Variants in SAXO1 observed in about 807,000 individuals in gnomAD.
SAXO1 encodes the protein 4930500O09Rik.
In SAXO1, 21 loss-of-function variants were observed where a neutral mutation model predicts 17.5. The observed-to-expected ratio is 1.20, with a 90% CI of 0.85 to 1.72. The LOEUF (loss-of-function observed/expected upper bound fraction) is 1.72. Among genes scored for constraint, SAXO1 ranks in the 40% most tolerant of loss-of-function variants. SAXO1 has a pLI of 0.00. For synonymous variants in SAXO1, 274 were observed against 216.5 expected, an observed-to-expected ratio of 1.27 and a Z score of -2.33; for missense variants, 843 against 596.0, an observed-to-expected ratio of 1.41 and a Z score of -4.32.
At chr9:19,027,535 C>A (rs994425189) in intron 1 of SAXO1, 40 of 1,043,812 alleles carry the variant, frequency 3.8e-5, no homozygotes, top group Non-Finnish European at 6.1e-5. Flanking sequence ...CGGAGAAGAC[C>A]CTCCTGGCCT....
intron 1 of SAXO1, among the ~76,000 whole-genome samples, chr9:19,038,453 T>C (rs1835997256): frequency 6.6e-6 from 1 of 151,830 alleles, no homozygotes. Context: ...TCATGTCCTT[T>C]GTAGGGACAT....
At position 18,981,251 on chromosome 9, in the gene SAXO1, AC is replaced by A. The variant is rs377638772; in HGVS notation, c.39-30315del. 1.4e-4 allele frequency among the ~76,000 whole-genome samples: 22 copies of A among 152,132 alleles called. 2 individuals are homozygous for A. In the East Asian group the frequency reaches 3.7e-3, roughly 25 times the overall value. On this transcript the variant is annotated intron_variant, in intron 1 of 3. Coordinates refer to ENST00000380534, the MANE Select transcript of SAXO1 (RefSeq NM_153707.4). ...AGAAAGGAAGAGAAAGCCCCTACCCACCCCCACTCTTAGTTATAAAATACTT... is the reference window on the plus strand; with the variant it reads ...AGAAAGGAAGAGAAAGCCCCTACCCACCCCACTCTTAGTTATAAAATACTT...
intron 1 of SAXO1, among the ~76,000 whole-genome samples, chr9:18,998,347 G>A (rs1229257581): frequency 6.6e-6 from 1 of 151,960 alleles, no homozygotes; most frequent in African/African-American, 2.4e-5. Context: ...ATTTGATCAA[G>A]CAGAAGAAAG....
chr9:19,040,020 T>C (rs4977488), intron 1 of SAXO1, among the ~76,000 whole-genome samples: 128,957 of 152,234 alleles, frequency 0.85, 54,948 homozygotes, highest in African/African-American at 0.94. Context: ...TGAGCCACTG[T>C]ACATGGCCTG....
At chr9:19,028,253 G>C (rs772852205) in intron 1 of SAXO1, 1 of 715,248 alleles carries the variant, frequency 1.4e-6, no homozygotes. Context: ...GCGGGCGCCT[G>C]TAATCCCAGC....
intron 3 of SAXO1, among the ~76,000 whole-genome samples, chr9:18,937,215 C>G (rs1039898480): frequency 1.3e-5 from 2 of 152,194 alleles, no homozygotes; most frequent in African/African-American, 4.8e-5. Context: ...AAGGACTGAC[C>G]CAACCAAATG....
In SAXO1 at chr9:19,020,912, G is replaced by C. The variant is rs917441413; in HGVS notation, c.38+11959C>G. Among the ~76,000 whole-genome samples the C allele has an allele frequency of 3.3e-5, 5 of 152,186 alleles. No individual in the cohort carries two copies. In the East Asian group the frequency reaches 9.6e-4, roughly 29 times the overall value. ...AACTCTTCTGGCCTGCTTGTTCAAT[G>C]ACCTGGGAATCCACCTAACCTAATA... is the stretch of plus-strand genomic sequence containing the variant. On this transcript the variant is annotated intron_variant, in intron 1 of 3. Transcript: ENST00000380534.
At chr9:18,966,820 G>T (rs1832737252) in intron 1 of SAXO1, among the ~76,000 whole-genome samples, 2 of 152,142 alleles carry the variant, frequency 1.3e-5, no homozygotes, top group South Asian at 4.1e-4. Context: ...GGGAGAAGAG[G>T]CATTCTGGTT....
intron 1 of SAXO1, among the ~76,000 whole-genome samples, chr9:18,951,546 G>A (rs1832040052): frequency 6.6e-6 from 1 of 152,126 alleles, no homozygotes; most frequent in Non-Finnish European, 1.5e-5. Context: ...TCTCACCTCA[G>A]TTATTACAGC....
chr9:18,994,978 A>G (rs1833946559), intron 1 of SAXO1, among the ~76,000 whole-genome samples: 1 of 152,216 alleles, frequency 6.6e-6, no homozygotes, highest in Admixed American at 6.5e-5. Context: ...ACTTTATTAA[A>G]TATGTCAAGG....
chr9:18,951,240 C>T (rs1234645648), intron 1 of SAXO1, among the ~76,000 whole-genome samples: 1 of 152,118 alleles, frequency 6.6e-6, no homozygotes, highest in African/African-American at 2.4e-5. Context: ...AGAGAAATGG[C>T]TGTGTCCCCA....
chr9:19,006,718 T>C (rs1834495972), intron 1 of SAXO1, among the ~76,000 whole-genome samples: 1 of 152,214 alleles, frequency 6.6e-6, no homozygotes, highest in African/African-American at 2.4e-5. Flanking sequence ...ACATTGTCAA[T>C]GTTTTGATAT....
At chr9:19,043,044 C>T (rs1836114972) in intron 1 of SAXO1, among the ~76,000 whole-genome samples, 1 of 151,914 alleles carries the variant, frequency 6.6e-6, no homozygotes, top group African/African-American at 2.4e-5. Context: ...TGGTGGTACA[C>T]ACCTGTAGTC....
rs1231650089 is a variant in SAXO1 at position 18,941,851 on chromosome 9, C to A, written c.219-12G>T. The A allele has an allele frequency of 1.9e-6, 3 of 1,613,784 alleles. No individual in the cohort carries two copies. The Admixed American group carries it at 5.0e-5, about 27-fold the overall frequency. ...GCCCAAAATCTCTCCTGTAAGGAAGCAAGTGCATGCTGTTGGGGTCCTTGG... is the reference window on the plus strand; with the variant it reads ...GCCCAAAATCTCTCCTGTAAGGAAGAAAGTGCATGCTGTTGGGGTCCTTGG... On this transcript the variant is annotated splice_polypyrimidine_tract_variant and intron_variant, in intron 2 of 3. Coordinates refer to ENST00000380534, the MANE Select transcript of SAXO1 (RefSeq NM_153707.4).
chr9:19,008,989 A>C (rs1198461036), intron 1 of SAXO1, among the ~76,000 whole-genome samples: 1 of 152,242 alleles, frequency 6.6e-6, no homozygotes, highest in East Asian at 1.9e-4. Context: ...GGGTCAGTTT[A>C]GTCCAAATTC....
At chr9:18,965,427 G>T (rs1832674991) in intron 1 of SAXO1, among the ~76,000 whole-genome samples, 1 of 152,062 alleles carries the variant, frequency 6.6e-6, no homozygotes, top group African/African-American at 2.4e-5. Flanking sequence ...TATGAATCTG[G>T]GTGCTCCTGT....
intron 3 of SAXO1, among the ~76,000 whole-genome samples, chr9:18,934,381 G>A (rs1831196601): frequency 6.6e-6 from 1 of 152,152 alleles, no homozygotes; most frequent in East Asian, 1.9e-4. Context: ...CTGTTCTTCA[G>A]ATTGGGAATC....
intron 1 of SAXO1, among the ~76,000 whole-genome samples, chr9:18,985,205 G>C (rs549972121): frequency 1.3e-5 from 2 of 152,012 alleles, no homozygotes; most frequent in Admixed American, 6.6e-5. Flanking sequence ...TGTCTTATAC[G>C]GGCGTGGCTC....
intron 1 of SAXO1, among the ~76,000 whole-genome samples, chr9:19,043,584 T>C (rs1836130805): frequency 1.3e-5 from 2 of 151,766 alleles, no homozygotes; most frequent in South Asian, 4.1e-4. Flanking sequence ...CTGGGCAACA[T>C]AGTGGGATCC....
Sources: gnomAD v4.1 joint callset for allele counts (sites outside exome capture counted in the v4.1 genomes callset) on GRCh38, gnomAD v4.1.1 for gene constraint, MANE v1.5 for transcripts, NCBI Gene and HGNC (gene_info 2026-07-23, HGNC 2026-07-21) for gene names.